The following TLE4 variants were observed in gnomAD, a reference collection of about 807,000 sequenced individuals.
TLE4 encodes TLE family member 4, transcriptional corepressor.
A neutral mutation model predicts 92.8 loss-of-function variants in TLE4; 8 were observed. The ratio of observed to expected loss-of-function variants is 0.09; its 90% CI spans 0.05 to 0.16. TLE4 has a LOEUF of 0.16. Among genes scored for constraint, TLE4 ranks in the 10% least tolerant of loss-of-function variants. The pLI, the probability that TLE4 is intolerant of heterozygous loss-of-function variation, is 1.00. For missense variants in TLE4, 675 were observed against 997.6 expected (o/e 0.68, Z 4.36); for synonymous variants, 371 against 374.1 (o/e 0.99, Z 0.10).
Position 79,573,755 on chromosome 9 carries a change from G to T in TLE4, c.112G>T (p.Glu38Ter). The change falls in exon 2 of 20, where the codon GAG becomes TAG. Residue 38 changes from glutamate to a stop codon, truncating the protein, a stop_gained. Coordinates refer to ENST00000376552, the MANE Select transcript of TLE4 (RefSeq NM_007005.6). LOFTEE classifies it high-confidence loss of function. ...ISESCDRIKE[E>*]FQFLQAQYHS... is the part of the protein sequence containing the mutation. ...CGAATCCTGTGATCGGATTAAGGAA[G>T]AGTTTCAGTTTTTACAGGCTCAATA... 6.2e-7 allele frequency: 1 copy of T among 1,602,680 alleles called. No individual in the cohort carries two copies. The highest frequency in any genetic ancestry group is 8.5e-7 in the Non-Finnish European group (1 of 1,171,590).
chr9:79,724,677 C>A, intron 19 of TLE4, among the ~76,000 whole-genome samples: 1 of 151,486 alleles, frequency 6.6e-6, no homozygotes, highest in East Asian at 1.9e-4. Context: ...GACCCTCTCT[C>A]TACAAAAAAA....
intron 6 of TLE4, among the ~76,000 whole-genome samples, chr9:79,644,915 T>C (rs1055759428): frequency 6.6e-6 from 1 of 152,192 alleles, no homozygotes; most frequent in African/African-American, 2.4e-5. Flanking sequence ...GTTGTGGGCT[T>C]GGGAGACAGC....
intron 4 of TLE4, chr9:79,601,530 A>G: frequency 2.2e-6 from 1 of 451,372 alleles, no homozygotes; most frequent in East Asian, 7.0e-5. Context: ...CAATGTTTCA[A>G]ACTTTCTTAT....
chr9:79,637,469 C>G (rs533215514), intron 6 of TLE4, among the ~76,000 whole-genome samples: 86 of 152,266 alleles, frequency 5.6e-4, no homozygotes, highest in African/African-American at 1.7e-3. Flanking sequence ...CTTATTTGTT[C>G]TCTTGACTCT....
chr9:79,709,598 G>A, intron 13 of TLE4, 25 bp from the exon 14 acceptor site: 2 of 1,610,596 alleles, frequency 1.2e-6, no homozygotes, highest in Non-Finnish European at 1.7e-6. Context: ...GCTTATTTCT[G>A]TTGTTTGCTT....
At chr9:79,653,604 C>T (rs1158680849) in intron 7 of TLE4, among the ~76,000 whole-genome samples, 1 of 152,158 alleles carries the variant, frequency 6.6e-6, no homozygotes, top group East Asian at 1.9e-4. Context: ...GGTTCATTGG[C>T]TTGAAGGGTG....
intron 4 of TLE4, among the ~76,000 whole-genome samples, chr9:79,587,007 A>G (rs556348137): frequency 1.1e-4 from 17 of 152,296 alleles, no homozygotes; most frequent in Admixed American, 9.1e-4. Context: ...TGTACAATAA[A>G]TTATTGTTGA....
intron 8 of TLE4, among the ~76,000 whole-genome samples, chr9:79,684,679 C>T (rs760686864): frequency 1.7e-4 from 26 of 152,160 alleles, no homozygotes; most frequent in African/African-American, 3.1e-4. Context: ...TGGTCTAGAA[C>T]GTCTTCAGCT....
At chr9:79,656,938 G>A (rs188028806) in intron 8 of TLE4, among the ~76,000 whole-genome samples, 94 of 152,108 alleles carry the variant, frequency 6.2e-4, no homozygotes, top group Non-Finnish European at 3.2e-4. Flanking sequence ...CAAATTGCAC[G>A]CTGTTGGCTT....
intron 5 of TLE4, among the ~76,000 whole-genome samples, chr9:79,615,106 G>A (rs749616562): frequency 3.3e-5 from 5 of 151,950 alleles, no homozygotes; most frequent in Non-Finnish European, 5.9e-5. Flanking sequence ...TCTGAACATC[G>A]TCCACCTTGT....
intron 4 of TLE4, 45 bp downstream of exon 4, chr9:79,576,222 G>T (rs535229733): frequency 9.1e-5 from 123 of 1,351,380 alleles, no homozygotes; most frequent in Non-Finnish European, 1.2e-4. Context: ...GTAATACTGG[G>T]ACACTATGAA....
At chr9:79,596,918 G>C (rs767960850) in intron 4 of TLE4, among the ~76,000 whole-genome samples, 5 of 152,196 alleles carry the variant, frequency 3.3e-5, no homozygotes, top group African/African-American at 1.2e-4. Flanking sequence ...CTGCACAGCT[G>C]TATAGTTCGT....
At chr9:79,682,680 G>T (rs956671367) in intron 8 of TLE4, among the ~76,000 whole-genome samples, 3 of 152,168 alleles carry the variant, frequency 2.0e-5, no homozygotes, top group Non-Finnish European at 4.4e-5. Context: ...GTTGCCTGAT[G>T]AAACTGAAGT....
At chr9:79,679,958 TC>T (rs1224894547) in intron 8 of TLE4, among the ~76,000 whole-genome samples, 2 of 152,088 alleles carry the variant, frequency 1.3e-5, no homozygotes, top group Admixed American at 1.3e-4. Flanking sequence ...AGGGCTCTGT[TC>T]TGTTCCATTG....
intron 3 of TLE4, among the ~76,000 whole-genome samples, chr9:79,575,369 A>G (rs1397695020): frequency 1.3e-5 from 2 of 152,162 alleles, no homozygotes; most frequent in African/African-American, 4.8e-5. Context: ...ATAATGTTTT[A>G]TTTCTTTGAA....
intron 4 of TLE4, among the ~76,000 whole-genome samples, chr9:79,602,647 T>C (rs1250702560): frequency 6.6e-6 from 1 of 152,180 alleles, no homozygotes; most frequent in Non-Finnish European, 1.5e-5. Context: ...TTACTGCCTA[T>C]TAATGGTGTA....
At chr9:79,605,987 A>G (rs1327297672) in intron 4 of TLE4, among the ~76,000 whole-genome samples, 2 of 152,122 alleles carry the variant, frequency 1.3e-5, no homozygotes, top group South Asian at 2.1e-4. Flanking sequence ...ACACTTTCAC[A>G]TTGTTTAAGA....
intron 8 of TLE4, among the ~76,000 whole-genome samples, chr9:79,680,455 G>A (rs1359031955): frequency 2.6e-5 from 4 of 152,138 alleles, no homozygotes; most frequent in Non-Finnish European, 4.4e-5. Flanking sequence ...AAGAATGCTT[G>A]TGATTTTTGC....
rs1290685496 is a variant in TLE4 at position 79,726,792 on chromosome 9, T to C, written c.*1648T>C. On this transcript the variant is annotated 3_prime_UTR_variant, in exon 20 of 20. Coordinates refer to ENST00000376552, the MANE Select transcript of TLE4 (RefSeq NM_007005.6). ...CTTGATGACATTAGTTTATTTTTTA[T>C]CTTTGGCTGTGCCACTCCTATATAT... 6.5e-6 allele frequency: 1 copy of C among 152,678 alleles called. No homozygotes were observed. The highest frequency in any genetic ancestry group is 6.5e-5 in the Admixed American group (1 of 15,286). The allele number at this position is 152,678 out of a possible 1,614,324, so 9.5% of individuals were successfully genotyped here.
Sources: allele counts gnomAD v4.1 joint callset (sites outside exome capture counted in the v4.1 genomes callset), GRCh38; gene constraint gnomAD v4.1.1; transcripts MANE v1.5; gene names NCBI Gene and HGNC (gene_info 2026-07-23, HGNC 2026-07-21).